Variants in CTNND2 observed in about 807,000 individuals in gnomAD.
CTNND2 encodes the protein catenin delta 2.
A neutral mutation model predicts 144.4 loss-of-function variants in CTNND2; 22 were observed. The observed-to-expected ratio is 0.15, with a 90% CI of 0.11 to 0.22. The LOEUF is 0.22. CTNND2 is among the 10% of genes least tolerant of loss of function. The pLI, the probability that CTNND2 is intolerant of heterozygous loss-of-function variation, is 1.00. For missense variants in CTNND2, 1,353 were observed against 1,618.8 expected (o/e 0.84, Z 2.82); for synonymous variants, 751 against 695.6 (o/e 1.08, Z -1.25).
At chr5:11,610,441 G>A (rs542401211) in intron 2 of CTNND2, among the ~76,000 whole-genome samples, 21 of 152,230 alleles carry the variant, frequency 1.4e-4, no homozygotes, top group Non-Finnish European at 2.5e-4. Flanking sequence ...TAATATCCCC[G>A]TTTCAGTGGT....
At chr5:11,010,975 C>G (rs1215586118) in intron 18 of CTNND2, among the ~76,000 whole-genome samples, 1 of 152,230 alleles carries the variant, frequency 6.6e-6, no homozygotes, top group African/African-American at 2.4e-5. Flanking sequence ...TGATCTTACT[C>G]TGTTTCAAGC....
intron 3 of CTNND2, among the ~76,000 whole-genome samples, chr5:11,507,708 G>C (rs1771197770): frequency 6.6e-6 from 1 of 152,180 alleles, no homozygotes; most frequent in Non-Finnish European, 1.5e-5. Flanking sequence ...AGACAGCACA[G>C]GGTCCTGTCC....
intron 2 of CTNND2, among the ~76,000 whole-genome samples, chr5:11,692,331 A>C (rs1784947926): frequency 6.6e-6 from 1 of 152,280 alleles, no homozygotes; most frequent in Non-Finnish European, 1.5e-5. Flanking sequence ...TTATAAAAAC[A>C]TAAAAATCAA....
intron 2 of CTNND2, among the ~76,000 whole-genome samples, chr5:11,658,849 T>C (rs1005292032): frequency 1.1e-4 from 16 of 152,208 alleles, no homozygotes; most frequent in African/African-American, 3.4e-4. Flanking sequence ...TTTTCAATCA[T>C]AGTTTTATCT....
intron 1 of CTNND2, among the ~76,000 whole-genome samples, chr5:11,897,073 T>TGGAG (rs1582086654): frequency 6.6e-6 from 1 of 152,342 alleles, no homozygotes; most frequent in East Asian, 1.9e-4. Flanking sequence ...TCTGTCTTTC[T>TGGAG]GGAGGATTCT....
At chr5:11,393,608 T>C (rs939567954) in intron 6 of CTNND2, among the ~76,000 whole-genome samples, 2 of 152,168 alleles carry the variant, frequency 1.3e-5, no homozygotes, top group Non-Finnish European at 2.9e-5. Flanking sequence ...CTTTATCTTC[T>C]AGCCCACCCA....
chr5:11,547,671 T>G (rs1458244736), intron 3 of CTNND2, among the ~76,000 whole-genome samples: 1 of 152,216 alleles, frequency 6.6e-6, no homozygotes, highest in Non-Finnish European at 1.5e-5. Flanking sequence ...GTGCTAATAA[T>G]GCCTAAATCA....
intron 9 of CTNND2, among the ~76,000 whole-genome samples, chr5:11,259,797 C>T (rs1027198163): frequency 6.6e-6 from 1 of 152,108 alleles, no homozygotes; most frequent in Non-Finnish European, 1.5e-5. Context: ...TGAAAAGAAC[C>T]GCTTTGTTGA....
chr5:11,088,101 G>A (rs1434531908), intron 15 of CTNND2, among the ~76,000 whole-genome samples: 1 of 152,148 alleles, frequency 6.6e-6, no homozygotes, highest in African/African-American at 2.4e-5. Context: ...TTTTACTGTG[G>A]ATGTAATCAA....
At chr5:11,184,341 T>C (rs2149805196) in intron 11 of CTNND2, among the ~76,000 whole-genome samples, 1 of 152,334 alleles carries the variant, frequency 6.6e-6, no homozygotes, top group Non-Finnish European at 1.5e-5. Context: ...TTATGTTTGC[T>C]TTTAATTAAC....
chr5:11,690,731 A>G (rs1784865947), intron 2 of CTNND2, among the ~76,000 whole-genome samples: 2 of 125,252 alleles, frequency 1.6e-5, no homozygotes, highest in South Asian at 5.8e-4. Context: ...CGACAGAGCG[A>G]GACTCCGTCT....
intron 1 of CTNND2, among the ~76,000 whole-genome samples, chr5:11,767,355 G>A (rs1339947775): frequency 6.6e-6 from 1 of 152,164 alleles, no homozygotes; most frequent in African/African-American, 2.4e-5. Context: ...GTGAGGTTGT[G>A]TGTGGGCATG....
chr5:11,257,719 C>T (rs1744415489), intron 9 of CTNND2, among the ~76,000 whole-genome samples: 1 of 152,146 alleles, frequency 6.6e-6, no homozygotes, highest in Non-Finnish European at 1.5e-5. Context: ...AAAGCCAAAC[C>T]TTATCACCCA....
At chr5:11,527,915 C>A (rs985315330) in intron 3 of CTNND2, among the ~76,000 whole-genome samples, 1 of 152,062 alleles carries the variant, frequency 6.6e-6, no homozygotes, top group Non-Finnish European at 1.5e-5. Flanking sequence ...GACTTGGGTA[C>A]GGCGCTGCAT....
At chr5:11,007,337 C>A (rs185352286) in intron 18 of CTNND2, among the ~76,000 whole-genome samples, 2 of 151,472 alleles carry the variant, frequency 1.3e-5, no homozygotes, top group Non-Finnish European at 1.5e-5. Flanking sequence ...ACCTTACCAG[C>A]GGCCAATCTG....
intron 16 of CTNND2, among the ~76,000 whole-genome samples, chr5:11,054,306 C>A (rs1340557769): frequency 1.3e-5 from 2 of 152,168 alleles, no homozygotes; most frequent in Non-Finnish European, 2.9e-5. Flanking sequence ...GTCAACACTG[C>A]AGTTCTTTCC....
At position 11,684,321 on chromosome 5, in the gene CTNND2, C is replaced by T. The variant is rs530767634; in HGVS notation, c.174+47815G>A. Among the ~76,000 whole-genome samples the T allele has an allele frequency of 4.9e-4, 75 of 152,130 alleles. No individual in the cohort carries two copies. In the South Asian group the frequency reaches 0.014, roughly 29 times the overall value. On this transcript the variant is annotated intron_variant, in intron 2 of 21. Transcript: ENST00000304623. Reference sequence around the variant, plus strand: ...GTTTCACCATGTTAGCCAGGATGGTCTTGATCCCCTGACCTCATGATCCAC... The same window carrying T: ...GTTTCACCATGTTAGCCAGGATGGTTTTGATCCCCTGACCTCATGATCCAC...
chr5:11,086,227 A>G (rs1191610065), intron 15 of CTNND2, among the ~76,000 whole-genome samples: 1 of 152,118 alleles, frequency 6.6e-6, no homozygotes, highest in East Asian at 1.9e-4. Context: ...GGGGAGCTCA[A>G]AAGGGATGGA....
At chr5:11,615,884 C>CTTTATTTTACACAAATA (rs753480617) in intron 2 of CTNND2, among the ~76,000 whole-genome samples, 20 of 152,114 alleles carry the variant, frequency 1.3e-4, no homozygotes, top group Non-Finnish European at 2.4e-4. Flanking sequence ...ATGGTATTCT[C>CTTTATTTTACACAAATA]TTTTACACAA....
Sources: gnomAD v4.1 joint callset for allele counts (sites outside exome capture counted in the v4.1 genomes callset) on GRCh38, gnomAD v4.1.1 for gene constraint, MANE v1.5 for transcripts, NCBI Gene and HGNC (gene_info 2026-07-23, HGNC 2026-07-21) for gene names.